The following SFMBT2 variants were observed in gnomAD, a reference collection of about 807,000 sequenced individuals.
The protein encoded by SFMBT2 is Scm like with four mbt domains 2, also known as scm-like with four MBT domains protein 2.
Under a neutral mutation model 110.1 loss-of-function variants are expected in SFMBT2, and 38 were observed. That is an observed-to-expected ratio of 0.35 (90% CI 0.27 to 0.45). The LOEUF is 0.45. SFMBT2 is among the 20% of genes least tolerant of loss of function. The pLI, the probability that SFMBT2 is intolerant of heterozygous loss-of-function variation, is 1.00. For missense variants in SFMBT2, 1,011 were observed against 1,094.9 expected, an observed-to-expected ratio of 0.92 and a Z score of 1.08; for synonymous variants, 425 against 425.4, an observed-to-expected ratio of 1.00 and a Z score of 0.01.
At chr10:7,316,665 G>A (rs2131920297) in intron 4 of SFMBT2, among the ~76,000 whole-genome samples, 1 of 152,294 alleles carries the variant, frequency 6.6e-6, no homozygotes, top group East Asian at 1.9e-4. Flanking sequence ...CACAAAATAT[G>A]AAGAGAAGTC....
chr10:7,208,251 G>A (rs939868491), intron 11 of SFMBT2, among the ~76,000 whole-genome samples: 3 of 152,080 alleles, frequency 2.0e-5, no homozygotes, highest in Non-Finnish European at 4.4e-5. Flanking sequence ...CAGGTTCCTG[G>A]TACACAAGGT....
Position 7,172,766 on chromosome 10 carries a change from C to T in SFMBT2, c.1985-105G>A. The T allele has an allele frequency of 7.5e-7, 1 of 1,341,768 alleles. No individual in the cohort carries two copies. Among genetic ancestry groups the T allele is most frequent in the Non-Finnish European group, 1.0e-6 (1 of 986,320 alleles). 83.1% of individuals were successfully genotyped at this position (1,341,768 alleles called of 1,614,324 possible). A position where few individuals can be genotyped will look rare whatever the true frequency, so the allele number is the denominator to read the frequency against. ...GAAACGATTCTTTCATCTGATAGTT[C>T]ATTTGTGCCTTACGAAGTCATTCTG... is the stretch of plus-strand genomic sequence containing the variant. On this transcript the variant is annotated intron_variant, in intron 17 of 20. Coordinates refer to ENST00000397167, the MANE Select transcript of SFMBT2 (RefSeq NM_001387889.1). The surrounding 1 kb of genome is among the most constrained non-coding windows in gnomAD (Gnocchi z 4.6).
At chr10:7,275,522 G>C (rs1224909353) in intron 7 of SFMBT2, among the ~76,000 whole-genome samples, 1 of 152,020 alleles carries the variant, frequency 6.6e-6, no homozygotes, top group African/African-American at 2.4e-5. Flanking sequence ...ACAAAGAGGA[G>C]AAGAGAGAAA....
At chr10:7,297,723 T>C (rs1333742898) in intron 4 of SFMBT2, among the ~76,000 whole-genome samples, 1 of 152,252 alleles carries the variant, frequency 6.6e-6, no homozygotes, top group Non-Finnish European at 1.5e-5. Context: ...CAAAGTCATG[T>C]AATTGCTTCA....
chr10:7,228,377 A>T lies in SFMBT2; in HGVS notation c.1121-440T>A, dbSNP rs1035163079. 7.2e-4 allele frequency: 45 copies of T among 62,718 alleles called. No homozygotes were observed. The Admixed American group carries it at 0.017, about 23-fold the overall frequency. 3.9% of individuals were successfully genotyped at this position (62,718 alleles called of 1,614,324 possible). On this transcript the variant is annotated intron_variant, in intron 9 of 20. Transcript: ENST00000397167. ...AGATTTTACTGGGAAATAAAAAATTAAAAAAAAAAAAAACAAAACAGTACC... is the reference window on the plus strand; with the variant it reads ...AGATTTTACTGGGAAATAAAAAATTTAAAAAAAAAAAAACAAAACAGTACC...
Position 7,280,496 on chromosome 10 carries a change from C to T in SFMBT2, c.772+3408G>A, listed in dbSNP as rs138804341. On this transcript the variant is annotated intron_variant, in intron 6 of 20. Coordinates refer to ENST00000397167, the MANE Select transcript of SFMBT2 (RefSeq NM_001387889.1). ...AAAAGTTTCATCTCCTTAGCATCTGCAAGAATATCTAAAAGTCTATCTTAT... is the reference window on the plus strand; with the variant it reads ...AAAAGTTTCATCTCCTTAGCATCTGTAAGAATATCTAAAAGTCTATCTTAT... Among the ~76,000 whole-genome samples the T allele has an allele frequency of 9.4e-3, 1,432 of 152,140 alleles. 23 individuals are homozygous for T. The highest frequency in any genetic ancestry group is 0.032 in the African/African-American group (1,330 of 41,536).
intron 4 of SFMBT2, among the ~76,000 whole-genome samples, chr10:7,315,095 AGAAAGAAAGAAAGAAAAAGC>A (rs1445573645): frequency 8.2e-5 from 12 of 146,740 alleles, no homozygotes; most frequent in Middle Eastern, 3.5e-3. Context: ...AAAGAAAGAA[AGAAAGAAAGAAAGAAAAAGC>A]AAGCAAGCAA....
At chr10:7,237,135 C>T (rs1016597956) in intron 9 of SFMBT2, among the ~76,000 whole-genome samples, 1 of 152,150 alleles carries the variant, frequency 6.6e-6, no homozygotes, top group South Asian at 2.1e-4. Context: ...ACTGACACAA[C>T]GTGGAGAGTA....
intron 4 of SFMBT2, among the ~76,000 whole-genome samples, chr10:7,364,270 T>G (rs1844820408): frequency 6.6e-6 from 1 of 152,258 alleles, no homozygotes; most frequent in African/African-American, 2.4e-5. Context: ...TTCCTCAAAT[T>G]AGCATAAGTT....
chr10:7,200,527 AGAAG>A (rs1280312717), intron 13 of SFMBT2, 43 bp from the exon 14 acceptor site: 2 of 1,514,166 alleles, frequency 1.3e-6, no homozygotes, highest in Non-Finnish European at 1.8e-6. Context: ...CACAAGCTTT[AGAAG>A]GAACTACTAC....
intron 7 of SFMBT2, among the ~76,000 whole-genome samples, chr10:7,266,801 T>A (rs1841408826): frequency 6.6e-6 from 1 of 151,992 alleles, no homozygotes; most frequent in Admixed American, 6.6e-5. Context: ...GAAGAGTGAG[T>A]TCAGGACAGA....
chr10:7,215,134 T>G (rs559475057), intron 11 of SFMBT2, among the ~76,000 whole-genome samples: 2 of 152,172 alleles, frequency 1.3e-5, no homozygotes, highest in African/African-American at 4.8e-5. Context: ...GGCGTGGTGG[T>G]TCACACCTGT....
intron 14 of SFMBT2, chr10:7,198,227 G>T: frequency 1.2e-6 from 1 of 811,408 alleles, no homozygotes; most frequent in Non-Finnish European, 1.5e-6. Flanking sequence ...GGTAAATGCG[G>T]ATCTAGAAAG....
intron 4 of SFMBT2, chr10:7,295,296 C>T (rs538778123): frequency 3.3e-5 from 5 of 152,214 alleles, no homozygotes; most frequent in Admixed American, 1.3e-4. Context: ...CTACGGTATT[C>T]GTCTGGCTGT....
intron 2 of SFMBT2, among the ~76,000 whole-genome samples, chr10:7,379,898 C>T (rs1290870759): frequency 1.3e-5 from 2 of 152,116 alleles, no homozygotes; most frequent in South Asian, 2.1e-4. Flanking sequence ...ATCATTTTCC[C>T]GACACCAGAT....
chr10:7,354,599 G>A (rs981661741), intron 4 of SFMBT2, among the ~76,000 whole-genome samples: 2 of 152,238 alleles, frequency 1.3e-5, no homozygotes, highest in Admixed American at 1.3e-4. Flanking sequence ...AAATCCACGC[G>A]TGCCCAAATC....
chr10:7,240,063 G>T (rs984063346), intron 9 of SFMBT2, among the ~76,000 whole-genome samples: 4 of 151,736 alleles, frequency 2.6e-5, no homozygotes, highest in African/African-American at 9.7e-5. Flanking sequence ...CCTTTTAATA[G>T]GTAACACATT....
At chr10:7,316,551 C>T (rs1021638290) in intron 4 of SFMBT2, among the ~76,000 whole-genome samples, 4 of 152,192 alleles carry the variant, frequency 2.6e-5, no homozygotes, top group African/African-American at 4.8e-5. Context: ...AGGAAGCCTG[C>T]GACCTGGAGG....
intron 4 of SFMBT2, among the ~76,000 whole-genome samples, chr10:7,287,577 G>A (rs1438644989): frequency 6.6e-6 from 1 of 152,122 alleles, no homozygotes; most frequent in African/African-American, 2.4e-5. Context: ...TGCAAAGTCA[G>A]CATAAATGAC....
Sources: gnomAD v4.1 joint callset for allele counts (sites outside exome capture counted in the v4.1 genomes callset) on GRCh38, gnomAD v4.1.1 for gene constraint, Gnocchi (gnomAD v3.1) non-coding constraint, MANE v1.5 for transcripts, NCBI Gene and HGNC (gene_info 2026-07-23, HGNC 2026-07-21) for gene names.